GALC: variants seen among roughly 807,000 people sequenced by gnomAD.
The protein encoded by GALC is galactocerebrosidase.
Under a neutral mutation model 91.8 loss-of-function variants are expected in GALC, and 77 were observed. That is an observed-to-expected ratio of 0.84 (90% CI 0.70 to 1.01). The LOEUF is 1.01. GALC is among the 50% of genes least tolerant of loss of function. The pLI is 0.00. For synonymous variants in GALC, 357 were observed against 306.7 expected, an observed-to-expected ratio of 1.16 and a Z score of -1.71; for missense variants, 882 against 855.9, an observed-to-expected ratio of 1.03 and a Z score of -0.38.
intron 10 of GALC, chr14:87,952,767 G>GT (rs1192061083): frequency 6.5e-7 from 1 of 1,530,504 alleles, no homozygotes; most frequent in African/African-American, 1.4e-5. Flanking sequence ...AGATTACTTT[G>GT]TACATTCTGT....
intron 10 of GALC, among the ~76,000 whole-genome samples, chr14:87,957,089 C>T (rs1885590204): frequency 6.6e-6 from 1 of 151,976 alleles, no homozygotes; most frequent in Admixed American, 6.6e-5. Context: ...CTATTCATGT[C>T]ACCTGCCACT....
intron 3 of GALC, 119 bp downstream of exon 3, chr14:87,988,025 G>C: frequency 1.3e-6 from 1 of 775,346 alleles, no homozygotes; most frequent in African/African-American, 1.7e-5. Context: ...ACTCTAATAA[G>C]CAACAATCAA....
intron 1 of GALC, 131 bp downstream of exon 1, chr14:87,992,839 G>A (rs985026249): frequency 1.4e-6 from 2 of 1,401,740 alleles, no homozygotes; most frequent in Admixed American, 3.2e-5. Context: ...CCTGCTGACT[G>A]GCACCCTAGG....
At position 87,968,359 on chromosome 14, in the gene GALC, T is replaced by A. The variant is rs746922378; in HGVS notation, c.884A>T (p.Asn295Ile). Residue 295 changes from asparagine to isoleucine, a missense_variant, in exon 8 of 17, where the codon AAT becomes ATT. Physicochemically the swap from Asn to Ile is moderately radical, Grantham distance 149. Transcript: ENST00000261304. ...CGAAGTCATATAGCCATTGATATAA[T>A]TCTGATTTAAAATGCGACCCCAGCA... ...AGCWGRILNQ[N>I]YINGYMTSTI... is the part of the protein sequence containing the mutation. The A allele has an allele frequency of 3.1e-6, 5 of 1,613,552 alleles. No individual in the cohort carries two copies. The highest frequency in any genetic ancestry group is 1.7e-5 in the Admixed American group (1 of 59,936).
intron 4 of GALC, among the ~76,000 whole-genome samples, chr14:87,984,945 T>TG (rs1886908797): frequency 4.6e-5 from 7 of 152,224 alleles, no homozygotes; most frequent in Admixed American, 4.6e-4. Flanking sequence ...AAACTACTCT[T>TG]GAGTTATGTA....
chr14:87,980,013 G>C (rs1027842988), intron 6 of GALC, among the ~76,000 whole-genome samples: 1 of 152,024 alleles, frequency 6.6e-6, no homozygotes, highest in Non-Finnish European at 1.5e-5. Context: ...AATTGCCCTT[G>C]AGTACCTAGC....
rs369432237 is a variant in GALC at position 87,949,953 on chromosome 14, G to C, written c.1252-22C>G. On this transcript the variant is annotated intron_variant, in intron 11 of 16. Transcript: ENST00000261304. ...CACTCTGTAAAGAAAAGACAAAAAA[G>C]CATGGCTGAGTAATTCATCACATCC... 4.0e-5 allele frequency: 48 copies of C among 1,206,282 alleles called. No individual in the cohort carries two copies. The Middle Eastern group carries it at 5.8e-4, about 14-fold the overall frequency. The allele number at this position is 1,206,282 out of a possible 1,614,324, so 74.7% of individuals were successfully genotyped here. A position where few individuals can be genotyped will look rare whatever the true frequency, so the allele number is the denominator to read the frequency against.
intron 12 of GALC, among the ~76,000 whole-genome samples, chr14:87,948,733 T>C (rs1283517838): frequency 6.6e-6 from 1 of 152,082 alleles, no homozygotes; most frequent in African/African-American, 2.4e-5. Flanking sequence ...TTATTTTTCT[T>C]ATGAGGAAAA....
chr14:87,941,265 T>C, intron 15 of GALC, 130 bp downstream of exon 15: 2 of 683,940 alleles, frequency 2.9e-6, no homozygotes, highest in Admixed American at 4.9e-5. Context: ...TTTGCTTACA[T>C]CCCTTCCCAA....
intron 1 of GALC, among the ~76,000 whole-genome samples, chr14:87,991,228 A>G (rs1887186144): frequency 1.3e-5 from 2 of 152,070 alleles, no homozygotes; most frequent in Non-Finnish European, 2.9e-5. Context: ...TTTTGAACGG[A>G]GTCTCACTCT....
At chr14:87,992,745 A>G (rs1039737533) in intron 1 of GALC, 2 of 1,420,808 alleles carry the variant, frequency 1.4e-6, no homozygotes, top group Non-Finnish European at 1.8e-6. Context: ...CCGGATCCTC[A>G]TTTGTTCAAA....
chr14:87,942,257 T>G (rs1884894650), intron 14 of GALC, among the ~76,000 whole-genome samples: 1 of 151,986 alleles, frequency 6.6e-6, no homozygotes, highest in Non-Finnish European at 1.5e-5. Context: ...GTGATGCTGA[T>G]GCTGCTCGTC....
intron 10 of GALC, among the ~76,000 whole-genome samples, chr14:87,956,584 CCATA>C (rs1407262305): frequency 9.9e-6 from 1 of 101,062 alleles, no homozygotes; most frequent in Non-Finnish European, 2.1e-5. Flanking sequence ...TACACACACA[CCATA>C]TATATACACA....
At chr14:87,965,370 G>T in intron 9 of GALC, 135 bp downstream of exon 9, 1 of 931,936 alleles carries the variant, frequency 1.1e-6, no homozygotes, top group Non-Finnish European at 1.7e-6. Flanking sequence ...TAAAACACTG[G>T]CAAATCTTGC....
At chr14:87,985,615 G>A (rs1212111777) in intron 4 of GALC, among the ~76,000 whole-genome samples, 1 of 152,136 alleles carries the variant, frequency 6.6e-6, no homozygotes, top group Non-Finnish European at 1.5e-5. Context: ...TTTTAACTTA[G>A]AAAATATTAC....
intron 6 of GALC, chr14:87,981,304 G>GA (rs200786289): frequency 0.021 from 3,258 of 152,432 alleles, 50 homozygotes; most frequent in Non-Finnish European, 0.034. Flanking sequence ...AGGGACTCGG[G>GA]GAAAGGATGG....
intron 10 of GALC, 31 bp downstream of exon 10, chr14:87,963,352 GA>G: frequency 6.2e-7 from 1 of 1,604,156 alleles, no homozygotes; most frequent in Non-Finnish European, 8.5e-7. Context: ...GTAAAGAAGT[GA>G]GTTAATCCAA....
chr14:87,941,828 T>C (rs538270459), intron 14 of GALC, among the ~76,000 whole-genome samples: 1 of 152,094 alleles, frequency 6.6e-6, no homozygotes, highest in South Asian at 2.1e-4. Context: ...AAATTTTTTT[T>C]CTACAATAAA....
intron 10 of GALC, chr14:87,953,392 G>C: frequency 6.9e-7 from 1 of 1,439,684 alleles, no homozygotes. Context: ...AGAAGCATAT[G>C]AAAGTGGACA....
Sources: gnomAD v4.1 joint callset for allele counts (sites outside exome capture counted in the v4.1 genomes callset) on GRCh38, gnomAD v4.1.1 for gene constraint, MANE v1.5 for transcripts, NCBI Gene and HGNC (gene_info 2026-07-23, HGNC 2026-07-21) for gene names.